YAP1: variants seen among roughly 807,000 people sequenced by gnomAD.
The protein encoded by YAP1 is transcriptional coactivator YAP1.
In YAP1, 5 loss-of-function variants were observed where a neutral mutation model predicts 56.9. That is an observed-to-expected ratio of 0.09 (90% confidence interval 0.05 to 0.18). The LOEUF (loss-of-function observed/expected upper bound fraction) is 0.18, where lower values mean the gene tolerates loss of function less well. Among genes scored for constraint, YAP1 ranks in the 10% least tolerant of loss-of-function variants. The pLI is 1.00. For synonymous variants in YAP1, 265 were observed against 248.1 expected (o/e 1.07, Z -0.64); for missense variants, 539 against 651.8 (o/e 0.83, Z 1.88).
chr11:102,175,734 A>G (rs1378233042), intron 3 of YAP1, among the ~76,000 whole-genome samples: 2 of 152,254 alleles, frequency 1.3e-5, no homozygotes, highest in South Asian at 2.1e-4. Context: ...ACACAATGGT[A>G]AGTATATGTG....
intron 4 of YAP1, among the ~76,000 whole-genome samples, chr11:102,188,514 A>G (rs1783439482): frequency 6.6e-6 from 1 of 152,248 alleles, no homozygotes; most frequent in Non-Finnish European, 1.5e-5. Context: ...CGTTTCAGTC[A>G]GCGGCAGACC....
Position 102,162,496 on chromosome 11 carries a change from G to T in YAP1, c.613G>T (p.Ala205Ser). 6.2e-7 allele frequency: 1 copy of T among 1,614,180 alleles called. No individual in the cohort carries two copies. The highest frequency in any genetic ancestry group is 8.5e-7 in the Non-Finnish European group (1 of 1,180,032). ...QTTTWQDPRKAMLSQMNVTAP... is the reference protein window; with the variant it reads ...QTTTWQDPRKSMLSQMNVTAP... ...AACAACATGGCAGGACCCCAGGAAG[G>T]CCATGCTGTCCCAGATGAACGTCAC... Residue 205 changes from alanine to serine, a missense_variant, in exon 3 of 9, where the codon GCC becomes TCC. Coordinates refer to ENST00000282441, the MANE Select transcript of YAP1 (RefSeq NM_001130145.3).
chr11:102,118,150 A>G (rs1481945945), intron 2 of YAP1, among the ~76,000 whole-genome samples: 1 of 152,218 alleles, frequency 6.6e-6, no homozygotes, highest in African/African-American at 2.4e-5. Flanking sequence ...TGGATCAGTG[A>G]TTTTAAAAGT....
At chr11:102,140,440 C>G (rs1467747976) in intron 2 of YAP1, among the ~76,000 whole-genome samples, 1 of 152,112 alleles carries the variant, frequency 6.6e-6, no homozygotes, top group Non-Finnish European at 1.5e-5. Flanking sequence ...ATTTCTTAAT[C>G]TGTTTCAGTA....
intron 2 of YAP1, among the ~76,000 whole-genome samples, chr11:102,135,125 TCCCAAA>T (rs1482314346): frequency 6.6e-6 from 1 of 152,202 alleles, no homozygotes; most frequent in Non-Finnish European, 1.5e-5. Context: ...CACGTTAGCC[TCCCAAA>T]GTACTGGGAT....
At chr11:102,163,216 T>A (rs1946401164) in intron 3 of YAP1, among the ~76,000 whole-genome samples, 1 of 152,150 alleles carries the variant, frequency 6.6e-6, no homozygotes, top group South Asian at 2.1e-4. Flanking sequence ...ATATGCAGTT[T>A]TTCTCATCTA....
At chr11:102,151,649 T>G (rs557499622) in intron 2 of YAP1, among the ~76,000 whole-genome samples, 7 of 152,204 alleles carry the variant, frequency 4.6e-5, no homozygotes, top group Non-Finnish European at 1.0e-4. Flanking sequence ...GTTATTCATT[T>G]TGATGTCAGC....
Position 102,163,003 on chromosome 11 carries a change from A to G in YAP1, c.688+432A>G, listed in dbSNP as rs758722803. On this transcript the variant is annotated intron_variant, in intron 3 of 8. Transcript: ENST00000282441. Reference sequence around the variant, plus strand: ...TTTTTTTTCATTTTTTTTTTTTGCTATGGTGTTCTTAACCCAACTTTTAAT... The same window carrying G: ...TTTTTTTTCATTTTTTTTTTTTGCTGTGGTGTTCTTAACCCAACTTTTAAT... Among the ~76,000 whole-genome samples the G allele has an allele frequency of 2.5e-4, 28 of 113,392 alleles. 1 individual carries two copies. Among genetic ancestry groups the G allele is most frequent in the Non-Finnish European group, 3.9e-4 (21 of 53,992 alleles). The allele number at this position is 113,392 out of a possible 152,430, so 74.4% of individuals were successfully genotyped here.
rs142405250 is a variant in YAP1, at chr11:102,114,171, G to T, written c.349G>T (p.Ala117Ser). 6.2e-6 allele frequency: 10 copies of T among 1,613,938 alleles called. No homozygotes were observed. The highest frequency in any genetic ancestry group is 8.5e-6 in the Non-Finnish European group (10 of 1,179,846). The change falls in exon 2 of 9, where the codon GCC (alanine) becomes TCC (serine). Residue 117 changes from alanine (A) to serine (S), a missense_variant. Physicochemically the swap from Ala to Ser is moderately conservative, Grantham distance 99. This residue lies in a region of YAP1 where 414 missense variants were observed against 512.4 expected (regional missense o/e 0.81). Transcript: ENST00000282441. ...CAGTACTGATGCAGGCACTGCAGGA[G>T]CCCTGACTCCACAGCATGTTCGAGC... ...QASTDAGTAG[A>S]LTPQHVRAHS...
intron 2 of YAP1, among the ~76,000 whole-genome samples, chr11:102,126,969 T>A (rs1049149804): frequency 6.6e-6 from 1 of 152,168 alleles, no homozygotes; most frequent in Non-Finnish European, 1.5e-5. Context: ...CCCTAGAGAT[T>A]TGTGGAACTT....
Position 102,188,818 on chromosome 11 carries a change from ATATT to A in YAP1, c.802+2691_802+2694del, listed in dbSNP as rs552794293. Among the ~76,000 whole-genome samples, 470 of 152,332 alleles carry A rather than the reference ATATT, an allele frequency of 3.1e-3. 5 individuals carry two copies. The highest frequency in any genetic ancestry group is 0.01 in the African/African-American group (426 of 41,574). On this transcript the variant is annotated intron_variant, in intron 4 of 8. Transcript: ENST00000282441. ...CCTGGTTATTAAGTGACACATGACTATATTTATAGTATCAATCCTTCACATCTCA... is the reference window on the plus strand; with the variant it reads ...CCTGGTTATTAAGTGACACATGACTATATAGTATCAATCCTTCACATCTCA...
At chr11:102,176,227 A>C (rs921477061) in intron 3 of YAP1, among the ~76,000 whole-genome samples, 22 of 152,224 alleles carry the variant, frequency 1.4e-4, no homozygotes, top group African/African-American at 5.1e-4. Flanking sequence ...ATTCCCACTC[A>C]TAAAAAATGG....
At chr11:102,121,788 A>T (rs929198575) in intron 2 of YAP1, among the ~76,000 whole-genome samples, 2 of 151,816 alleles carry the variant, frequency 1.3e-5, no homozygotes, top group South Asian at 4.1e-4. Flanking sequence ...AAGGTATATT[A>T]TTTTTTTGTA....
chr11:102,215,721 C>T (rs866953200), intron 6 of YAP1, among the ~76,000 whole-genome samples: 1 of 152,180 alleles, frequency 6.6e-6, no homozygotes. Flanking sequence ...TCAGGTGATC[C>T]ACCTGCCTTG....
chr11:102,180,837 C>T (rs769363957), intron 3 of YAP1, among the ~76,000 whole-genome samples: 16 of 151,724 alleles, frequency 1.1e-4, no homozygotes, highest in Non-Finnish European at 2.1e-4. Context: ...AAAAATGTTT[C>T]GAAGCTAAAT....
At chr11:102,215,444 T>C (rs1416522226) in intron 6 of YAP1, among the ~76,000 whole-genome samples, 1 of 152,226 alleles carries the variant, frequency 6.6e-6, no homozygotes, top group Non-Finnish European at 1.5e-5. Flanking sequence ...TAACACTGAC[T>C]AGGTAGTTAG....
chr11:102,215,270 C>T (rs1949604882), intron 6 of YAP1, among the ~76,000 whole-genome samples: 1 of 152,100 alleles, frequency 6.6e-6, no homozygotes, highest in Admixed American at 6.6e-5. Context: ...AGTTATTCTC[C>T]ATTTCTAAAT....
chr11:102,145,953 A>G (rs1437918465), intron 2 of YAP1, among the ~76,000 whole-genome samples: 1 of 152,222 alleles, frequency 6.6e-6, no homozygotes, highest in Non-Finnish European at 1.5e-5. Flanking sequence ...CAGAGAGACT[A>G]AAAGAGAAGC....
chr11:102,116,110 G>T (rs918660487), intron 2 of YAP1, among the ~76,000 whole-genome samples: 2 of 151,970 alleles, frequency 1.3e-5, no homozygotes, highest in Non-Finnish European at 2.9e-5. Context: ...GATACAGTTG[G>T]CCTTCCGTAT....
Sources: gnomAD v4.1 joint callset for allele counts (sites outside exome capture counted in the v4.1 genomes callset) on GRCh38, gnomAD v4.1.1 for gene constraint, gnomAD v4.1.1 regional missense constraint, MANE v1.5 for transcripts, NCBI Gene and HGNC (gene_info 2026-07-23, HGNC 2026-07-21) for gene names.